PCYT1B: variants seen among roughly 807,000 people sequenced by gnomAD.
The protein encoded by PCYT1B is choline-phosphate cytidylyltransferase B.
Under a neutral mutation model 26.4 loss-of-function variants are expected in PCYT1B, and 10 were observed. The observed-to-expected ratio is 0.38, with a 90% CI of 0.23 to 0.64. The LOEUF (loss-of-function observed/expected upper bound fraction) is 0.64, where lower values mean the gene tolerates loss of function less well. Among genes scored for constraint, PCYT1B ranks in the 30% least tolerant of loss-of-function variants. PCYT1B has a pLI of 0.56. For synonymous variants in PCYT1B, 131 were observed against 108.4 expected, an observed-to-expected ratio of 1.21 and a Z score of -1.29; for missense variants, 161 against 292.7, an observed-to-expected ratio of 0.55 and a Z score of 3.28.
chrX:24,651,472 AATATATATATATAT>A (rs200652780), upstream of PCYT1B, among the ~76,000 whole-genome samples: 2,290 of 25,830 alleles, frequency 0.089, 326 homozygotes, highest in East Asian at 0.19. Context: ...AAAAAAAAAA[AATATATATATATAT>A]ATATATATAT....
intron 3 of PCYT1B, among the ~76,000 whole-genome samples, chrX:24,606,936 T>C (rs1925157297): frequency 8.9e-6 from 1 of 112,198 alleles, no homozygotes; most frequent in Non-Finnish European, 1.9e-5. Flanking sequence ...AAAACAGTTA[T>C]GTAGTCTCTT....
At chrX:24,662,041 C>T (rs755506252) in intron 1 of PCYT1B, among the ~76,000 whole-genome samples, 224 of 110,599 alleles carry the variant, frequency 2.0e-3, no homozygotes, top group Non-Finnish European at 3.2e-3. Context: ...TGGTGGTGTG[C>T]GCCTGTGGTC....
intron 3 of PCYT1B, among the ~76,000 whole-genome samples, chrX:24,592,814 G>A (rs1030549540): frequency 3.6e-5 from 4 of 111,698 alleles, no homozygotes; most frequent in African/African-American, 1.3e-4. Context: ...TCTCAGGTCC[G>A]GGCCTTGCAC....
intron 1 of PCYT1B, among the ~76,000 whole-genome samples, chrX:24,632,780 G>T (rs190181138): frequency 4.5e-5 from 5 of 111,685 alleles, no homozygotes; most frequent in Non-Finnish European, 7.5e-5. Context: ...AGTGTGTGTG[G>T]GTGAGCGGGG....
At chrX:24,643,189 T>A (rs1926517882) in intron 1 of PCYT1B, among the ~76,000 whole-genome samples, 1 of 111,358 alleles carries the variant, frequency 9.0e-6, no homozygotes, top group Non-Finnish European at 1.9e-5. Flanking sequence ...GGACACCTGC[T>A]GAGCCCAGAG....
chrX:24,589,878 G>A (rs1924499378), intron 4 of PCYT1B, 145 bp downstream of exon 4: 1 of 467,556 alleles, frequency 2.1e-6, no homozygotes, highest in African/African-American at 2.4e-5. Flanking sequence ...CGGACGAAAG[G>A]TGCCACATCA....
upstream of PCYT1B, chrX:24,650,283 G>T (rs1214783288): frequency 1.8e-5 from 2 of 108,381 alleles, no homozygotes; most frequent in Non-Finnish European, 3.8e-5. Flanking sequence ...GATAGCAGGA[G>T]AGAGTTTATT....
intron 1 of PCYT1B, among the ~76,000 whole-genome samples, chrX:24,639,047 ATT>A (rs1218813013): frequency 8.9e-6 from 1 of 112,767 alleles, no homozygotes; most frequent in Non-Finnish European, 1.9e-5. Context: ...GCTTGTGAAC[ATT>A]TGTTATTCAT....
chrX:24,672,255 A>G (rs1854490459), intron 1 of PCYT1B, among the ~76,000 whole-genome samples: 1 of 112,444 alleles, frequency 8.9e-6, no homozygotes. Flanking sequence ...TTTTGTTAAA[A>G]CATTTCTGCA....
chrX:24,574,114 T>C (rs1027015291), intron 7 of PCYT1B, among the ~76,000 whole-genome samples: 11 of 111,789 alleles, frequency 9.8e-5, no homozygotes, highest in African/African-American at 3.6e-4. Flanking sequence ...GTCAATAAAA[T>C]AATTAAGTCA....
rs761860684 is a variant in PCYT1B, at chrX:24,562,114, T to C, written c.*179A>G. ...AAGTCTCTGCACCTCGCCCAACTCT[T>C]CAGCTGTACGGAGAGTGAGAGAGAA... On this transcript the variant is annotated 3_prime_UTR_variant, in exon 8 of 8. Coordinates refer to ENST00000379144, the MANE Select transcript of PCYT1B (RefSeq NM_004845.5). 1.5e-5 allele frequency: 18 copies of C among 1,208,848 alleles called. No homozygotes were observed. The South Asian group carries it at 3.0e-4, about 20-fold the overall frequency.
chrX:24,651,778 T>C (rs1926788877), upstream of PCYT1B, among the ~76,000 whole-genome samples: 2 of 107,737 alleles, frequency 1.9e-5, no homozygotes, highest in Non-Finnish European at 3.8e-5. Context: ...GCCTCCCAAA[T>C]TGCTGAGATT....
chrX:24,587,267 T>C lies in PCYT1B; in HGVS notation c.539A>G (p.Asp180Gly). 8.3e-7 allele frequency: 1 copy of C among 1,206,143 alleles called. No individual in the cohort carries two copies. Among genetic ancestry groups the C allele is most frequent in the African/African-American group, 1.7e-5 (1 of 57,580 alleles). The change falls in exon 5 of 8, where the codon GAT becomes GGT. Residue 180 changes from aspartate to glycine, a missense_variant. Asp to Gly is a moderately conservative substitution (Grantham distance 94). Transcript: ENST00000379144. ...DIPYSSAGSD[D>G]VYKHIKEAGM... ...TGCTTCCTTTATGTGCTTGTAAACATCATCAGAGCCAGCAGAGGAATACGG... is the reference window on the plus strand; with the variant it reads ...TGCTTCCTTTATGTGCTTGTAAACACCATCAGAGCCAGCAGAGGAATACGG...
intron 3 of PCYT1B, among the ~76,000 whole-genome samples, chrX:24,600,694 T>C (rs757560665): frequency 5.6e-4 from 62 of 111,445 alleles, no homozygotes; most frequent in African/African-American, 1.9e-3. Context: ...CAAATTGATA[T>C]TGAAGGAGAA....
intron 1 of PCYT1B, among the ~76,000 whole-genome samples, chrX:24,643,842 C>T (rs1394280003): frequency 8.9e-6 from 1 of 112,079 alleles, no homozygotes; most frequent in African/African-American, 3.2e-5. Flanking sequence ...GAAGGAGAAT[C>T]CAAGTGTGGA....
rs1298697223 is a variant in PCYT1B at position 24,579,406 on chromosome X, A to G, written c.618T>C (p.Ile206=). The G allele has an allele frequency of 8.3e-7, 1 of 1,208,236 alleles. No homozygotes were observed. The highest frequency in any genetic ancestry group is 2.2e-5 in the Admixed American group (1 of 45,939). ...CATCATAGTCACGAACAATTCTGGT[A>G]ATGATGTCCGATGTTGAGATGCCTT... ...RTEGISTSDI[I]TRIVRDYDVY... The change falls in exon 6 of 8, where the codon ATT becomes ATC. Residue 206 remains isoleucine (I), a synonymous_variant. Transcript: ENST00000379144.
intron 1 of PCYT1B, among the ~76,000 whole-genome samples, chrX:24,654,092 CTTTCTTTCTTTTTTT>C (rs1926842643): frequency 1.4e-5 from 1 of 73,371 alleles, no homozygotes. Flanking sequence ...TCTTTTCTTT[CTTTCTTTCTTTTTTT>C]TTTTTTTTTT....
At chrX:24,633,890 A>T (rs1371812936) in intron 1 of PCYT1B, among the ~76,000 whole-genome samples, 1 of 111,133 alleles carries the variant, frequency 9.0e-6, no homozygotes, top group Non-Finnish European at 1.9e-5. Context: ...AAAAATAAGA[A>T]AAAAAGCTTT....
chrX:24,608,885 A>G (rs905488420), intron 2 of PCYT1B, among the ~76,000 whole-genome samples: 2 of 112,087 alleles, frequency 1.8e-5, no homozygotes, highest in South Asian at 3.7e-4. Context: ...TATCCCCATC[A>G]TGATACTCTG....
Sources: allele counts gnomAD v4.1 joint callset (sites outside exome capture counted in the v4.1 genomes callset), GRCh38; gene constraint gnomAD v4.1.1; transcripts MANE v1.5; gene names NCBI Gene and HGNC (gene_info 2026-07-23, HGNC 2026-07-21).